PDE4D: variants seen among roughly 807,000 people sequenced by gnomAD.
PDE4D encodes phosphodiesterase 4D, also known as 3',5'-cyclic-AMP phosphodiesterase 4D.
In PDE4D, 24 loss-of-function variants were observed where a neutral mutation model predicts 87.4. The observed-to-expected ratio is 0.27, with a 90% CI of 0.20 to 0.39. The LOEUF (loss-of-function observed/expected upper bound fraction) is 0.39, where lower values mean the gene tolerates loss of function less well. PDE4D is among the 10% of genes least tolerant of loss of function. The pLI is 1.00. For synonymous variants in PDE4D, 384 were observed against 383.2 expected (o/e 1.00, Z -0.02); for missense variants, 714 against 1,041.0 (o/e 0.69, Z 4.32).
intron 1 of PDE4D, among the ~76,000 whole-genome samples, chr5:59,224,281 T>TACAC (rs1259483302): frequency 7.5e-5 from 10 of 134,060 alleles, no homozygotes; most frequent in Non-Finnish European, 1.3e-4. Flanking sequence ...GATCCTGTCA[T>TACAC]ACACACACAC....
At chr5:59,261,501 T>C (rs1762002594) in intron 1 of PDE4D, among the ~76,000 whole-genome samples, 1 of 151,858 alleles carries the variant, frequency 6.6e-6, no homozygotes, top group South Asian at 2.1e-4. Context: ...AAAAAATATT[T>C]TAACTAGGGC....
intron 1 of PDE4D, chr5:60,262,312 A>G (rs1245903673): frequency 6.6e-6 from 1 of 152,214 alleles, no homozygotes; most frequent in Non-Finnish European, 1.5e-5. Context: ...TTGGGCAAAC[A>G]TAAATCAAAA....
chr5:59,213,848 C>T (rs956433351), intron 2 of PDE4D, among the ~76,000 whole-genome samples: 1 of 152,018 alleles, frequency 6.6e-6, no homozygotes, highest in Non-Finnish European at 1.5e-5. Context: ...TGTCTTGTTT[C>T]CCCTAGCCTT....
chr5:59,811,331 A>T (rs1465978411), intron 1 of PDE4D, among the ~76,000 whole-genome samples: 3 of 152,156 alleles, frequency 2.0e-5, no homozygotes, highest in East Asian at 3.8e-4. Flanking sequence ...TACTTTTCCC[A>T]CCTCTGTTCA....
intron 1 of PDE4D, among the ~76,000 whole-genome samples, chr5:59,385,052 C>G (rs1786703132): frequency 6.6e-6 from 1 of 152,152 alleles, no homozygotes; most frequent in Admixed American, 6.6e-5. Context: ...TCTGCCACCC[C>G]TCTCAGATGC....
At chr5:60,322,218 G>T (rs1270536238) in intron 1 of PDE4D, among the ~76,000 whole-genome samples, 1 of 152,106 alleles carries the variant, frequency 6.6e-6, no homozygotes, top group African/African-American at 2.4e-5. Flanking sequence ...GGAATACTAT[G>T]CAGCCATAAA....
intron 1 of PDE4D, among the ~76,000 whole-genome samples, chr5:59,568,881 T>C (rs1435090287): frequency 6.6e-6 from 1 of 152,114 alleles, no homozygotes; most frequent in East Asian, 1.9e-4. Flanking sequence ...GATATATGAA[T>C]GAATAGGGAC....
intron 5 of PDE4D, among the ~76,000 whole-genome samples, chr5:59,056,677 C>T (rs1762427242): frequency 6.6e-6 from 1 of 152,084 alleles, no homozygotes; most frequent in Non-Finnish European, 1.5e-5. Flanking sequence ...TCAACTCCCA[C>T]TTATGAGTGA....
rs535044764 is a variant in PDE4D, at chr5:60,331,150, G to C, written c.-89-145463C>G. ...ATAAAAGCAAAGATACTGATCACAG[G>C]CAGCATAACAAGGTAGAAAAATACA... On this transcript the variant is annotated intron_variant, in intron 1 of 16. Transcript: ENST00000502484. 3.3e-5 allele frequency among the ~76,000 whole-genome samples: 5 copies of C among 152,256 alleles called. No individual in the cohort carries two copies. The East Asian group carries it at 9.7e-4, about 29-fold the overall frequency.
intron 1 of PDE4D, among the ~76,000 whole-genome samples, chr5:59,322,435 C>G (rs941031910): frequency 1.3e-5 from 2 of 151,990 alleles, no homozygotes; most frequent in Admixed American, 1.3e-4. Context: ...TCATGTCATC[C>G]CTTTGAAAAG....
chr5:60,293,673 T>G (rs1753122701), intron 1 of PDE4D, among the ~76,000 whole-genome samples: 1 of 152,232 alleles, frequency 6.6e-6, no homozygotes, highest in Non-Finnish European at 1.5e-5. Flanking sequence ...TAGAACTTCC[T>G]AGAAATGGAA....
chr5:60,370,774 T>C (rs6881782), intron 1 of PDE4D, among the ~76,000 whole-genome samples: 14,788 of 152,080 alleles, frequency 0.097, 1,309 homozygotes, highest in African/African-American at 0.24. Flanking sequence ...TGTGTGTGTG[T>C]GTGCGTGCGT....
At chr5:60,473,119 GAAAGAAAGGAAGGAAGGAAGGA>G (rs754942725) in intron 1 of PDE4D, among the ~76,000 whole-genome samples, 5,210 of 120,632 alleles carry the variant, frequency 0.043, 203 homozygotes, top group South Asian at 0.11. Flanking sequence ...GAGAGAGAGA[GAAAGAAAGGAAGGAAGGAAGGA>G]AGGAAGGAAG....
intron 1 of PDE4D, among the ~76,000 whole-genome samples, chr5:59,377,170 C>G (rs1390039792): frequency 6.6e-6 from 1 of 152,092 alleles, no homozygotes; most frequent in Non-Finnish European, 1.5e-5. Flanking sequence ...GTAATCCCAG[C>G]ACTTTGGGAG....
intron 1 of PDE4D, among the ~76,000 whole-genome samples, chr5:59,495,861 G>T (rs1383418919): frequency 6.6e-6 from 1 of 152,166 alleles, no homozygotes; most frequent in African/African-American, 2.4e-5. Flanking sequence ...GCAGCATCTA[G>T]GGGTGGATGT....
At chr5:59,737,076 G>T (rs1424781349) in intron 1 of PDE4D, among the ~76,000 whole-genome samples, 1 of 152,052 alleles carries the variant, frequency 6.6e-6, no homozygotes, top group African/African-American at 2.4e-5. Context: ...CTAAGGAAAC[G>T]ACTTAATACT....
At chr5:60,486,265 T>C (rs1749130589) in intron 1 of PDE4D, among the ~76,000 whole-genome samples, 1 of 152,190 alleles carries the variant, frequency 6.6e-6, no homozygotes, top group African/African-American at 2.4e-5. Flanking sequence ...TAGGAATGTA[T>C]AGCTAAGAAT....
At chr5:60,197,811 A>G (rs1033234083) in intron 1 of PDE4D, among the ~76,000 whole-genome samples, 17 of 151,678 alleles carry the variant, frequency 1.1e-4, no homozygotes, top group East Asian at 3.9e-4. Context: ...ACCAAAGACT[A>G]TGAGTAGAAA....
intron 1 of PDE4D, among the ~76,000 whole-genome samples, chr5:60,207,565 AAG>A (rs1228547926): frequency 6.6e-6 from 1 of 152,246 alleles, no homozygotes; most frequent in Non-Finnish European, 1.5e-5. Context: ...AGTAATTAAA[AAG>A]ATGTTCAGAA....
Sources: allele counts gnomAD v4.1 joint callset (sites outside exome capture counted in the v4.1 genomes callset), GRCh38; gene constraint gnomAD v4.1.1; transcripts MANE v1.5; gene names NCBI Gene and HGNC (gene_info 2026-07-23, HGNC 2026-07-21).